The following CAMSAP2 variants were observed in gnomAD, a reference collection of about 807,000 sequenced individuals.
CAMSAP2 encodes the protein calmodulin-regulated spectrin-associated protein 2.
In CAMSAP2, 26 loss-of-function variants were observed where a neutral mutation model predicts 146.1. That is an observed-to-expected ratio of 0.18 (90% CI 0.13 to 0.25). The LOEUF is 0.25. Among genes scored for constraint, CAMSAP2 ranks in the 10% least tolerant of loss-of-function variants. CAMSAP2 has a pLI of 1.00. For missense variants in CAMSAP2, 1,381 were observed against 1,759.3 expected, an observed-to-expected ratio of 0.78 and a Z score of 3.85; for synonymous variants, 499 against 596.6, an observed-to-expected ratio of 0.84 and a Z score of 2.38.
chr1:200,817,057 TACACACACGTATATATGTGTATAC>T (rs1230138371), intron 4 of CAMSAP2, among the ~76,000 whole-genome samples: 13 of 141,082 alleles, frequency 9.2e-5, no homozygotes, highest in African/African-American at 2.3e-4. Context: ...TGTATGTGTA[TACACACACGTATATATGTGTATAC>T]ACACACACGT....
At chr1:200,752,529 G>A (rs888832182) in intron 1 of CAMSAP2, among the ~76,000 whole-genome samples, 5 of 151,772 alleles carry the variant, frequency 3.3e-5, no homozygotes, top group African/African-American at 7.3e-5. Context: ...TTCACAGCCC[G>A]TATTCAGATT....
At chr1:200,760,377 C>T (rs1322096394) in intron 1 of CAMSAP2, among the ~76,000 whole-genome samples, 1 of 152,192 alleles carries the variant, frequency 6.6e-6, no homozygotes, top group Admixed American at 6.5e-5. Context: ...CTCTATTCTG[C>T]AGCTCATTAG....
At chr1:200,741,508 A>G (rs1664173600) in intron 1 of CAMSAP2, among the ~76,000 whole-genome samples, 1 of 152,264 alleles carries the variant, frequency 6.6e-6, no homozygotes, top group Admixed American at 6.5e-5. Context: ...CTTAGAAAAC[A>G]TGGAAAGAGG....
At chr1:200,747,968 C>G (rs1325570848) in intron 1 of CAMSAP2, among the ~76,000 whole-genome samples, 7 of 130,582 alleles carry the variant, frequency 5.4e-5, no homozygotes, top group Non-Finnish European at 6.1e-5. Context: ...GCCTGGGCGA[C>G]AGAGCGAGAC....
rs377144828 is a variant in CAMSAP2, at chr1:200,816,921, T to C, written c.645+1277T>C. 2.8e-4 allele frequency among the ~76,000 whole-genome samples: 18 copies of C among 63,348 alleles called. 9 individuals are homozygous for C. The highest frequency in any genetic ancestry group is 5.7e-4 in the Admixed American group (4 of 7,010). The allele number at this position is 63,348 out of a possible 152,430, so 41.6% of individuals were successfully genotyped here. ...GTACACACACACGCGTGTGTATGTGTGTACACACACACGCGTGTGTATGTG... is the reference window on the plus strand; with the variant it reads ...GTACACACACACGCGTGTGTATGTGCGTACACACACACGCGTGTGTATGTG... On this transcript the variant is annotated intron_variant, in intron 4 of 16. Coordinates refer to ENST00000358823, the MANE Select transcript of CAMSAP2 (RefSeq NM_203459.4).
intron 1 of CAMSAP2, among the ~76,000 whole-genome samples, chr1:200,747,700 CTAGTCTCATGGTAGAAAATG>C (rs1193814326): frequency 6.6e-6 from 1 of 151,898 alleles, no homozygotes; most frequent in African/African-American, 2.4e-5. Context: ...CTCAGGCTGT[CTAGTCTCATGGTAGAAAATG>C]GCTGTAGCGG....
At chr1:200,794,888 T>G (rs925485329) in intron 2 of CAMSAP2, among the ~76,000 whole-genome samples, 4 of 152,266 alleles carry the variant, frequency 2.6e-5, no homozygotes, top group Non-Finnish European at 5.9e-5. Flanking sequence ...TATAAAGTTG[T>G]GTGACTTTTG....
intron 2 of CAMSAP2, among the ~76,000 whole-genome samples, chr1:200,792,411 C>T (rs1665778987): frequency 6.6e-6 from 1 of 152,078 alleles, no homozygotes; most frequent in African/African-American, 2.4e-5. Flanking sequence ...GCCTGTAATC[C>T]CAGCACTTTG....
intron 8 of CAMSAP2, among the ~76,000 whole-genome samples, chr1:200,845,355 A>G (rs1667434938): frequency 6.6e-6 from 1 of 152,040 alleles, no homozygotes; most frequent in Non-Finnish European, 1.5e-5. Context: ...CAAAGCCACA[A>G]CCAAGGAGGA....
chr1:200,853,189 C>T lies in CAMSAP2; in HGVS notation c.3603-86C>T. The T allele has an allele frequency of 8.5e-7, 1 of 1,173,814 alleles. No individual in the cohort carries two copies. The highest frequency in any genetic ancestry group is 1.2e-6 in the Non-Finnish European group (1 of 814,938). The allele number at this position is 1,173,814 out of a possible 1,614,324, so 72.7% of individuals were successfully genotyped here. On this transcript the variant is annotated intron_variant, in intron 12 of 16. Transcript: ENST00000358823. This position sits in a 1 kb window ranked among gnomAD's most constrained non-coding sequence, Gnocchi z 5.1. ...CACCAAGGTGATGAAATAGAATTCT[C>T]CTTTCTCATATCAAATACATAACTC...
At chr1:200,749,367 G>C (rs973940024) in intron 1 of CAMSAP2, among the ~76,000 whole-genome samples, 2 of 152,184 alleles carry the variant, frequency 1.3e-5, no homozygotes, top group African/African-American at 2.4e-5. Context: ...GAGGACACAT[G>C]GGCCAGACTG....
At chr1:200,763,657 C>T (rs1445892030) in intron 2 of CAMSAP2, among the ~76,000 whole-genome samples, 1 of 152,186 alleles carries the variant, frequency 6.6e-6, no homozygotes, top group Non-Finnish European at 1.5e-5. Context: ...CAACTTTTAT[C>T]ACAATTTGAT....
rs766998783 is a variant in CAMSAP2, at chr1:200,842,017, G to A, written c.951G>A (p.Ala317=). The change falls in exon 7 of 17, where the codon GCG becomes GCA. Residue 317 remains alanine (A), a synonymous_variant. Transcript: ENST00000358823. The part of the protein sequence containing the change: ...SIKSNYLVFM[A]ELFWWFEVVK... ...AGAGTAATTATTTGGTGTTCATGGC[G>A]GAACTGTTCTGGTGGTTTGAAGTGG... The A allele has an allele frequency of 3.3e-5, 53 of 1,613,484 alleles. No individual in the cohort carries two copies. The East Asian group carries it at 8.5e-4, about 26-fold the overall frequency.
chr1:200,777,747 G>A (rs55735825), intron 2 of CAMSAP2, among the ~76,000 whole-genome samples: 26,495 of 152,046 alleles, frequency 0.17, 3,079 homozygotes, highest in East Asian at 0.35. Context: ...CATATATTCT[G>A]TAATATAATC....
chr1:200,747,659 G>A (rs185149163), intron 1 of CAMSAP2, among the ~76,000 whole-genome samples: 415 of 152,282 alleles, frequency 2.7e-3, no homozygotes, highest in African/African-American at 9.2e-3. Flanking sequence ...GATTCTTTTA[G>A]CTGTGCCCTT....
rs1016286872 is a variant in CAMSAP2, at chr1:200,859,298, G to A, written c.*1239G>A. 6.6e-6 allele frequency: 1 copy of A among 152,538 alleles called. No individual in the cohort carries two copies. The highest frequency in any genetic ancestry group is 1.5e-5 in the Non-Finnish European group (1 of 67,884). 9.4% of individuals were successfully genotyped at this position (152,538 alleles called of 1,614,324 possible). A position where few individuals can be genotyped will look rare whatever the true frequency, so the allele number is the denominator to read the frequency against. The stretch of plus-strand genomic sequence containing the variant: ...GTGACAAATGTGTAAACTAGCGGGG[G>A]AAGACAGTATTGTATCATAAATGAG... On this transcript the variant is annotated 3_prime_UTR_variant, in exon 17 of 17. Coordinates refer to ENST00000358823, the MANE Select transcript of CAMSAP2 (RefSeq NM_203459.4).
At chr1:200,768,744 C>G (rs1665029646) in intron 2 of CAMSAP2, among the ~76,000 whole-genome samples, 1 of 152,080 alleles carries the variant, frequency 6.6e-6, no homozygotes, top group Admixed American at 6.5e-5. Context: ...ACCTCCATCT[C>G]CCAGGTTCAA....
At chr1:200,744,178 T>C (rs970299696) in intron 1 of CAMSAP2, among the ~76,000 whole-genome samples, 4 of 152,164 alleles carry the variant, frequency 2.6e-5, no homozygotes, top group African/African-American at 7.2e-5. Context: ...CCCAGGGAAT[T>C]TGACTTCAGC....
chr1:200,843,164 C>A (rs1667370672), intron 7 of CAMSAP2, among the ~76,000 whole-genome samples: 1 of 152,104 alleles, frequency 6.6e-6, no homozygotes, highest in African/African-American at 2.4e-5. Context: ...TACTTAGCAG[C>A]TTTCCTTGGC....
Sources: allele counts gnomAD v4.1 joint callset (sites outside exome capture counted in the v4.1 genomes callset), GRCh38; gene constraint gnomAD v4.1.1; non-coding constraint Gnocchi (gnomAD v3.1); transcripts MANE v1.5; gene names NCBI Gene and HGNC (gene_info 2026-07-23, HGNC 2026-07-21).